The following NAALADL2 variants were observed in gnomAD, a reference collection of about 807,000 sequenced individuals.
The protein encoded by NAALADL2 is N-acetylated alpha-linked acidic dipeptidase like 2, also known as inactive N-acetylated-alpha-linked acidic dipeptidase-like protein 2.
In NAALADL2, 76 loss-of-function variants were observed where a neutral mutation model predicts 87.2. The observed-to-expected ratio is 0.87, with a 90% CI of 0.72 to 1.05. NAALADL2 has a LOEUF of 1.05. NAALADL2 is among the 50% of genes least tolerant of loss of function. NAALADL2 has a pLI of 0.00. For synonymous variants in NAALADL2, 354 were observed against 331.0 expected, an observed-to-expected ratio of 1.07 and a Z score of -0.75; for missense variants, 1,089 against 945.8, an observed-to-expected ratio of 1.15 and a Z score of -1.99.
chr3:175,547,732 G>A (rs925974966), intron 9 of NAALADL2, among the ~76,000 whole-genome samples: 1 of 151,486 alleles, frequency 6.6e-6, no homozygotes, highest in African/African-American at 2.4e-5. Flanking sequence ...AACCCATAAA[G>A]TAGTGGGCAG....
chr3:175,470,621 C>A (rs902900612), intron 8 of NAALADL2, among the ~76,000 whole-genome samples: 3 of 151,968 alleles, frequency 2.0e-5, no homozygotes, highest in African/African-American at 7.2e-5. Flanking sequence ...ATAATGTAAT[C>A]TTTTAGGACA....
At chr3:174,590,979 A>T (rs9876765) in intron 2 of NAALADL2, among the ~76,000 whole-genome samples, 8,698 of 152,172 alleles carry the variant, frequency 0.057, 670 homozygotes, top group African/African-American at 0.17. Context: ...AGGTGAACAG[A>T]TTTCCCCTTC....
intron 1 of NAALADL2, among the ~76,000 whole-genome samples, chr3:174,453,355 C>T (rs543474350): frequency 1.3e-5 from 2 of 152,300 alleles, no homozygotes; most frequent in East Asian, 3.9e-4. Context: ...ACTTGGAAAT[C>T]ACATTTTGGG....
chr3:175,604,113 A>G (rs1723334460), intron 10 of NAALADL2, among the ~76,000 whole-genome samples: 1 of 152,116 alleles, frequency 6.6e-6, no homozygotes, highest in Admixed American at 6.5e-5. Context: ...TTTTGGAGGA[A>G]CTTCCATACT....
At chr3:174,756,722 ACACAGTAAAGATCTGCAG>A (rs1483385892) in intron 3 of NAALADL2, among the ~76,000 whole-genome samples, 1 of 152,206 alleles carries the variant, frequency 6.6e-6, no homozygotes, top group Admixed American at 6.5e-5. Flanking sequence ...TAAAGCTGGT[ACACAGTAAAGATCTGCAG>A]CACTTGATTT....
intron 1 of NAALADL2, among the ~76,000 whole-genome samples, chr3:174,955,140 C>T (rs1168903152): frequency 6.6e-6 from 1 of 152,036 alleles, no homozygotes; most frequent in Non-Finnish European, 1.5e-5. Context: ...TGAAAAATTA[C>T]GGCCTCCACA....
intron 2 of NAALADL2, among the ~76,000 whole-genome samples, chr3:174,620,997 T>C (rs1305723146): frequency 1.3e-5 from 2 of 152,064 alleles, no homozygotes; most frequent in East Asian, 3.9e-4. Flanking sequence ...TTAGGTAAAC[T>C]GAATGTACTG....
intron 1 of NAALADL2, among the ~76,000 whole-genome samples, chr3:175,031,150 G>T (rs1369080756): frequency 1.3e-5 from 2 of 151,776 alleles, no homozygotes; most frequent in East Asian, 3.9e-4. Flanking sequence ...TTTAATTTTA[G>T]AATGAGGGGG....
intron 5 of NAALADL2, among the ~76,000 whole-genome samples, chr3:175,421,116 A>T (rs1366159522): frequency 6.6e-6 from 1 of 152,066 alleles, no homozygotes; most frequent in African/African-American, 2.4e-5. Flanking sequence ...AATATCAAGA[A>T]TGATTTCTTA....
intron 6 of NAALADL2, among the ~76,000 whole-genome samples, chr3:175,456,893 T>G (rs1181685150): frequency 1.3e-5 from 2 of 152,078 alleles, no homozygotes; most frequent in Non-Finnish European, 2.9e-5. Context: ...TGTCTTTTCT[T>G]GACTTCCTTT....
At chr3:175,079,007 G>C (rs1046169616) in intron 1 of NAALADL2, among the ~76,000 whole-genome samples, 2 of 152,186 alleles carry the variant, frequency 1.3e-5, no homozygotes, top group Non-Finnish European at 2.9e-5. Flanking sequence ...GGAAACCTCA[G>C]ACTATTTTCC....
intron 1 of NAALADL2, among the ~76,000 whole-genome samples, chr3:175,084,942 G>A (rs1449443926): frequency 1.3e-5 from 2 of 152,188 alleles, no homozygotes; most frequent in African/African-American, 4.8e-5. Flanking sequence ...TTGTATGAAT[G>A]TGTGAGTTCA....
intron 3 of NAALADL2, among the ~76,000 whole-genome samples, chr3:174,781,555 G>C (rs1347270624): frequency 2.0e-5 from 3 of 151,962 alleles, no homozygotes; most frequent in Non-Finnish European, 4.4e-5. Context: ...ATAAAAATAA[G>C]TTCCGTAGGA....
chr3:175,802,754 A>AGTG lies in NAALADL2; in HGVS notation c.2190-250_2190-248dup, dbSNP rs200776972. ...TCAAAACTGCTTTTTTTTGTTTCGT[A>AGTG]GTGTTGTGTACTTCCATCAGGAGGC... On this transcript the variant is annotated intron_variant, in intron 13 of 13. Coordinates refer to ENST00000454872, the MANE Select transcript of NAALADL2 (RefSeq NM_207015.3). Among the ~76,000 whole-genome samples the AGTG allele has an allele frequency of 7.4e-3, 1,125 of 151,712 alleles. 17 individuals carry two copies. The highest frequency in any genetic ancestry group is 0.026 in the African/African-American group (1,056 of 41,394).
At chr3:175,121,927 G>A (rs1170137414) in intron 2 of NAALADL2, among the ~76,000 whole-genome samples, 3 of 151,572 alleles carry the variant, frequency 2.0e-5, no homozygotes, top group Admixed American at 1.3e-4. Context: ...TTTCATTCTT[G>A]TATCTGTGAT....
chr3:175,088,297 G>A (rs1473578076), intron 1 of NAALADL2, among the ~76,000 whole-genome samples: 1 of 152,164 alleles, frequency 6.6e-6, no homozygotes, highest in Non-Finnish European at 1.5e-5. Flanking sequence ...AGATTTGGGA[G>A]GTTAACATAA....
chr3:174,945,103 T>C (rs1384827352), intron 1 of NAALADL2, among the ~76,000 whole-genome samples: 1 of 152,206 alleles, frequency 6.6e-6, no homozygotes, highest in Admixed American at 6.5e-5. Context: ...TCTGAAAAGA[T>C]CATGCAGTGC....
intron 6 of NAALADL2, among the ~76,000 whole-genome samples, chr3:175,449,910 T>G (rs149864308): frequency 6.3e-4 from 96 of 152,338 alleles, no homozygotes; most frequent in African/African-American, 2.1e-3. Context: ...AAAATTGTTA[T>G]GTTTTTTAAA....
At chr3:175,012,921 G>T (rs1187289886) in intron 1 of NAALADL2, among the ~76,000 whole-genome samples, 1 of 147,574 alleles carries the variant, frequency 6.8e-6, no homozygotes, top group Non-Finnish European at 1.5e-5. Flanking sequence ...AGAAACAGAT[G>T]TATACATTTT....
Sources: gnomAD v4.1 joint callset for allele counts (sites outside exome capture counted in the v4.1 genomes callset) on GRCh38, gnomAD v4.1.1 for gene constraint, MANE v1.5 for transcripts, NCBI Gene and HGNC (gene_info 2026-07-23, HGNC 2026-07-21) for gene names.